Variants in COL27A1 observed in about 807,000 individuals in gnomAD.
COL27A1 encodes collagen type XXVII alpha 1 chain.
COL27A1 carries 106 observed loss-of-function variants against 251.3 expected under a neutral mutation model. That is an observed-to-expected ratio of 0.42 (90% CI 0.36 to 0.50). The LOEUF (loss-of-function observed/expected upper bound fraction) is 0.50, where lower values mean the gene tolerates loss of function less well. Among genes scored for constraint, COL27A1 ranks in the 20% least tolerant of loss-of-function variants. The pLI, the probability that COL27A1 is intolerant of heterozygous loss-of-function variation, is 0.00. For synonymous variants in COL27A1, 1,000 were observed against 986.3 expected, an observed-to-expected ratio of 1.01 and a Z score of -0.26; for missense variants, 2,325 against 2,522.8, an observed-to-expected ratio of 0.92 and a Z score of 1.68.
At chr9:114,295,909 AGT>A (rs1428746768) in intron 49 of COL27A1, among the ~76,000 whole-genome samples, 1 of 152,178 alleles carries the variant, frequency 6.6e-6, no homozygotes, top group Non-Finnish European at 1.5e-5. Context: ...GGCCTCCCAA[AGT>A]GCTGGGATTA....
chr9:114,282,182 G>A, intron 37 of COL27A1, 95 bp from the exon 38 acceptor site: 1 of 1,147,786 alleles, frequency 8.7e-7, no homozygotes, highest in Non-Finnish European at 1.3e-6. Context: ...CTGGCCATCT[G>A]CCTCCAGAGC....
At chr9:114,193,892 G>C (rs142530790) in intron 5 of COL27A1, among the ~76,000 whole-genome samples, 66 of 152,296 alleles carry the variant, frequency 4.3e-4, no homozygotes, top group African/African-American at 1.5e-3. Flanking sequence ...TGGTCACCTG[G>C]AGGATGGACG....
At position 114,222,238 on chromosome 9, in the gene COL27A1, C is replaced by T; in HGVS notation, c.2437C>T (p.Pro813Ser). ...CTATCTGCAGGGAGAACTGGGCCTG[C>T]CAGGCCCCCCTGGAGTCCCCGGCCT... The part of the protein sequence containing the change: ...LDGNPGELGL[P>S]GPPGVPGLIG... The change falls in exon 14 of 61, where the codon CCA becomes TCA. Residue 813 changes from proline to serine, a missense_variant. Coordinates refer to ENST00000356083, the MANE Select transcript of COL27A1 (RefSeq NM_032888.4). The T allele has an allele frequency of 1.9e-6, 3 of 1,613,660 alleles. No homozygotes were observed. Among genetic ancestry groups the T allele is most frequent in the South Asian group, 2.2e-5 (2 of 91,052 alleles).
intron 34 of COL27A1, 105 bp from the exon 35 acceptor site, chr9:114,269,136 C>T: frequency 4.6e-6 from 3 of 648,354 alleles, no homozygotes; most frequent in Non-Finnish European, 7.6e-6. Context: ...TTCCCCAGCT[C>T]CTCCTCCCAC....
chr9:114,179,879 C>G (rs1449755408), intron 4 of COL27A1, among the ~76,000 whole-genome samples: 7 of 128,752 alleles, frequency 5.4e-5, no homozygotes, highest in Admixed American at 3.8e-4. Flanking sequence ...CGCTGTGTCT[C>G]CCAGGCTGGA....
Position 114,307,684 on chromosome 9 carries a change from A to T in COL27A1, c.5123A>T (p.Asp1708Val), listed in dbSNP as rs779411712. 1 of 1,613,888 alleles carries T rather than the reference A, an allele frequency of 6.2e-7. No homozygotes were observed. The highest frequency in any genetic ancestry group is 1.1e-5 in the South Asian group (1 of 91,076). ...CTGCCTGCAGGTACCTACTGGGTGGATCCAAACCTTGGCTGCTCCTCTGAC... is the reference window on the plus strand; with the variant it reads ...CTGCCTGCAGGTACCTACTGGGTGGTTCCAAACCTTGGCTGCTCCTCTGAC... Reference protein sequence around the residue: ...QKMVDGTYWVDPNLGCSSDTI... With the variant: ...QKMVDGTYWVVPNLGCSSDTI... Residue 1708 changes from aspartate to valine, a missense_variant, in exon 59 of 61, where the codon GAT becomes GTT. Around this residue, in one of 4 missense-constraint regions of COL27A1, gnomAD observed 327 missense variants for 442.8 expected, o/e 0.74. Coordinates refer to ENST00000356083, the MANE Select transcript of COL27A1 (RefSeq NM_032888.4).
intron 14 of COL27A1, among the ~76,000 whole-genome samples, chr9:114,223,028 G>T (rs1324986864): frequency 6.6e-6 from 1 of 152,110 alleles, no homozygotes; most frequent in African/African-American, 2.4e-5. Flanking sequence ...GGTGGGAGGC[G>T]ATCTGACCTG....
intron 35 of COL27A1, among the ~76,000 whole-genome samples, chr9:114,269,671 G>A (rs979406731): frequency 6.7e-5 from 10 of 149,930 alleles, no homozygotes; most frequent in Admixed American, 6.0e-4. Flanking sequence ...GTCGAGTCTC[G>A]GCAGTAAAGA....
chr9:114,257,001 C>A (rs914533951), intron 27 of COL27A1, among the ~76,000 whole-genome samples: 1 of 152,202 alleles, frequency 6.6e-6, no homozygotes, highest in African/African-American at 2.4e-5. Flanking sequence ...TGGGGCCAAG[C>A]CCGGGTCCAC....
At chr9:114,253,373 GAAAGAAAGAAAGAAA>G (rs1444900440) in intron 27 of COL27A1, among the ~76,000 whole-genome samples, 2 of 93,036 alleles carry the variant, frequency 2.1e-5, no homozygotes, top group Non-Finnish European at 1.9e-5. Context: ...AAAGAAAGAC[GAAAGAAAGAAAGAAA>G]AAAGAAAGAG....
intron 35 of COL27A1, among the ~76,000 whole-genome samples, 156 bp downstream of exon 35, chr9:114,269,450 G>A: frequency 6.6e-6 from 1 of 151,696 alleles, no homozygotes; most frequent in East Asian, 1.9e-4. Flanking sequence ...TCTCTTGGTA[G>A]GCCAGCATTT....
At chr9:114,285,772 C>T (rs1827432585) in intron 41 of COL27A1, among the ~76,000 whole-genome samples, 1 of 152,212 alleles carries the variant, frequency 6.6e-6, no homozygotes, top group South Asian at 2.1e-4. Context: ...CCAGGGCTGG[C>T]ACAGAAGGGG....
Position 114,155,965 on chromosome 9 carries a change from G to A in COL27A1, c.15G>A (p.Ser5=). 7.8e-7 allele frequency: 1 copy of A among 1,285,374 alleles called. No homozygotes were observed. Among genetic ancestry groups the A allele is most frequent in the Non-Finnish European group, 9.9e-7 (1 of 1,013,250 alleles). The allele number at this position is 1,285,374 out of a possible 1,614,324, so 79.6% of individuals were successfully genotyped here. A position where few individuals can be genotyped will look rare whatever the true frequency, so the allele number is the denominator to read the frequency against. The change falls in exon 1 of 61, where the codon TCG becomes TCA. Residue 5 remains serine (S), a synonymous_variant. Transcript: ENST00000356083. This position sits in a 1 kb window ranked among gnomAD's most constrained non-coding sequence, Gnocchi z 5.5. MGAG[S]ARGARGTAAA... ...AGGGGCCTGCCATGGGAGCGGGATC[G>A]GCGCGGGGGGCCCGAGGCACAGCGG...
At position 114,290,451 on chromosome 9, in the gene COL27A1, TC is replaced by T; in HGVS notation, c.4368+122del. The T allele has an allele frequency of 1.2e-6, 1 of 830,918 alleles. No homozygotes were observed. The highest frequency in any genetic ancestry group is 1.8e-6 in the Non-Finnish European group (1 of 540,576). 51.5% of individuals were successfully genotyped at this position (830,918 alleles called of 1,614,324 possible). On this transcript the variant is annotated intron_variant, in intron 47 of 60. Coordinates refer to ENST00000356083, the MANE Select transcript of COL27A1 (RefSeq NM_032888.4). The surrounding 1 kb of genome is among the most constrained non-coding windows in gnomAD (Gnocchi z 4.6). ...AACTTGGATGGGCAGAACCAACACATCCAGAAGTTCTCTGGGGTGGGCAACC... is the reference window on the plus strand; with the variant it reads ...AACTTGGATGGGCAGAACCAACACATCAGAAGTTCTCTGGGGTGGGCAACC...
chr9:114,276,074 G>A (rs1236815337), intron 37 of COL27A1, among the ~76,000 whole-genome samples: 1 of 152,142 alleles, frequency 6.6e-6, no homozygotes, highest in African/African-American at 2.4e-5. Context: ...TGGACAAGCT[G>A]TGGCCCTTAC....
At chr9:114,182,177 A>AAATAATAATAATAATAATAAT (rs71367755) in intron 4 of COL27A1, among the ~76,000 whole-genome samples, 71 of 138,118 alleles carry the variant, frequency 5.1e-4, no homozygotes, top group African/African-American at 1.8e-3. Context: ...CATCTCTATA[A>AAATAATAATAATAATAATAAT]AATAATAATA....
chr9:114,201,309 C>A (rs12005125), intron 7 of COL27A1, among the ~76,000 whole-genome samples: 1 of 152,164 alleles, frequency 6.6e-6, no homozygotes, highest in Non-Finnish European at 1.5e-5. Flanking sequence ...GGTCAGCACC[C>A]GCCCCATAAT....
intron 14 of COL27A1, among the ~76,000 whole-genome samples, chr9:114,229,645 CA>C (rs1831789655): frequency 6.6e-6 from 1 of 152,158 alleles, no homozygotes; most frequent in Admixed American, 6.5e-5. Flanking sequence ...TGAAACCACA[CA>C]GCAGCCAGAC....
At chr9:114,156,723 G>A (rs1203315652) in intron 1 of COL27A1, among the ~76,000 whole-genome samples, 1 of 152,186 alleles carries the variant, frequency 6.6e-6, no homozygotes, top group East Asian at 1.9e-4. Context: ...CCGGAGAGGG[G>A]CAGGGACTCT....
Sources: gnomAD v4.1 joint callset for allele counts (sites outside exome capture counted in the v4.1 genomes callset) on GRCh38, gnomAD v4.1.1 for gene constraint, gnomAD v4.1.1 regional missense constraint, Gnocchi (gnomAD v3.1) non-coding constraint, MANE v1.5 for transcripts, NCBI Gene and HGNC (gene_info 2026-07-23, HGNC 2026-07-21) for gene names.